WNK1: variants seen among roughly 807,000 people sequenced by gnomAD.
WNK1 encodes the protein serine/threonine-protein kinase WNK1.
A neutral mutation model predicts 222.8 loss-of-function variants in WNK1; 38 were observed. The ratio of observed to expected loss-of-function variants is 0.17; its 90% CI spans 0.13 to 0.22. The LOEUF (loss-of-function observed/expected upper bound fraction) is 0.22, where lower values mean the gene tolerates loss of function less well. Among genes scored for constraint, WNK1 ranks in the 10% least tolerant of loss-of-function variants. The pLI, the probability that WNK1 is intolerant of heterozygous loss-of-function variation, is 1.00. For missense variants in WNK1, 2,348 were observed against 2,918.4 expected (o/e 0.80, Z 4.50); for synonymous variants, 1,090 against 1,092.9 (o/e 1.00, Z 0.05).
chr12:867,575 C>T (rs764283068), intron 8 of WNK1, among the ~76,000 whole-genome samples: 19 of 152,006 alleles, frequency 1.2e-4, no homozygotes, highest in African/African-American at 2.7e-4. Context: ...TGGGTAAAAA[C>T]GAAATAATTA....
intron 26 of WNK1, among the ~76,000 whole-genome samples, chr12:904,912 A>C (rs1254044974): frequency 6.6e-6 from 1 of 152,170 alleles, no homozygotes; most frequent in Non-Finnish European, 1.5e-5. Flanking sequence ...GAGGAGAAAA[A>C]CACCACTTTC....
At chr12:811,970 A>T (rs1048589582) in intron 1 of WNK1, among the ~76,000 whole-genome samples, 2 of 152,210 alleles carry the variant, frequency 1.3e-5, no homozygotes, top group African/African-American at 4.8e-5. Flanking sequence ...CAAATTAGAG[A>T]TAAAATATTC....
At chr12:855,533 TATTA>T (rs1950719914) in intron 4 of WNK1, among the ~76,000 whole-genome samples, 1 of 152,240 alleles carries the variant, frequency 6.6e-6, no homozygotes, top group Non-Finnish European at 1.5e-5. Flanking sequence ...TTCTGTGATT[TATTA>T]GTCACTAATT....
At chr12:822,026 A>G (rs1035725237) in intron 2 of WNK1, among the ~76,000 whole-genome samples, 2 of 144,150 alleles carry the variant, frequency 1.4e-5, no homozygotes, top group African/African-American at 5.1e-5. Flanking sequence ...GTTTATTTAC[A>G]TTTAATTAGT....
At chr12:869,128 A>C in intron 8 of WNK1, 8 of 1,613,142 alleles carry the variant, frequency 5.0e-6, no homozygotes, top group Non-Finnish European at 6.8e-6. Flanking sequence ...TTCCACAATT[A>C]TTTTAAACTA....
In WNK1 at chr12:908,874, TACTA is replaced by T. The variant is rs1401278859; in HGVS notation, c.*87_*90del. On this transcript the variant is annotated 3_prime_UTR_variant, in exon 28 of 28. Coordinates refer to ENST00000315939, the MANE Select transcript of WNK1 (RefSeq NM_018979.4). ...GGGTGGGGGTGGGAAGTAGCCTATA[TACTA>T]ACTACTAGTGCTGCATTTAACTGGT... The T allele has an allele frequency of 3.0e-6, 4 of 1,331,198 alleles. No individual in the cohort carries two copies. The highest frequency in any genetic ancestry group is 2.4e-5 in the East Asian group (1 of 41,708). The allele number at this position is 1,331,198 out of a possible 1,614,324, so 82.5% of individuals were successfully genotyped here.
Position 879,811 on chromosome 12 carries a change from A to T in WNK1, c.2612A>T (p.Gln871Leu). 1 of 1,613,934 alleles carries T rather than the reference A, an allele frequency of 6.2e-7. No homozygotes were observed. The highest frequency in any genetic ancestry group is 8.5e-7 in the Non-Finnish European group (1 of 1,179,968). The change falls in exon 11 of 28, where the codon CAG becomes CTG. Residue 871 changes from glutamine to leucine, a missense_variant. This residue lies in a region of WNK1 where 547 missense variants were observed against 558.3 expected (regional missense o/e 0.98). Coordinates refer to ENST00000315939, the MANE Select transcript of WNK1 (RefSeq NM_018979.4). The stretch of plus-strand genomic sequence containing the variant: ...ATCACAATGGCAGCTGGCATTACTC[A>T]GCCTCTGCTCACGTTGGCTTCATCT... Reference protein sequence around the residue: ...LPITMAAGITQPLLTLASSAT... With the variant: ...LPITMAAGITLPLLTLASSAT...
At chr12:776,868 T>G (rs1943163485) in intron 1 of WNK1, among the ~76,000 whole-genome samples, 2 of 152,192 alleles carry the variant, frequency 1.3e-5, no homozygotes, top group Non-Finnish European at 2.9e-5. Context: ...AATTAGAATG[T>G]GAACTATAGA....
chr12:893,114 G>A (rs1036746121), intron 22 of WNK1, among the ~76,000 whole-genome samples: 65 of 152,156 alleles, frequency 4.3e-4, no homozygotes, highest in African/African-American at 1.4e-3. Context: ...AAAATTAGCC[G>A]GATGTGGTGG....
intron 8 of WNK1, chr12:865,217 C>T (rs1335073762): frequency 3.3e-6 from 5 of 1,535,946 alleles, no homozygotes; most frequent in Non-Finnish European, 4.4e-6. Flanking sequence ...GTACTGTCTG[C>T]ACCTCTTTCT....
chr12:861,548 T>G (rs1951219567), intron 7 of WNK1, among the ~76,000 whole-genome samples: 1 of 152,328 alleles, frequency 6.6e-6, no homozygotes, highest in African/African-American at 2.4e-5. Context: ...GAAATGTGAT[T>G]AGGATACAAA....
rs1017499429 is a variant in WNK1, at chr12:846,712, C to T, written c.1312-10449C>T. Among the ~76,000 whole-genome samples the T allele has an allele frequency of 2.6e-5, 4 of 152,110 alleles. 1 individual carries two copies. The highest frequency in any genetic ancestry group is 2.6e-4 in the Admixed American group (4 of 15,282). On this transcript the variant is annotated intron_variant, in intron 4 of 27. Transcript: ENST00000315939. The stretch of plus-strand genomic sequence containing the variant: ...ACTGATTCCATTAGCTTTTGGATTG[C>T]AAGGTTTGAACATTTTGTCTGGGAA...
In WNK1 at chr12:787,165, T is replaced by C. The variant is rs149370180; in HGVS notation, c.760-26477T>C. On this transcript the variant is annotated intron_variant, in intron 1 of 27. Transcript: ENST00000315939. ...ATAAATCTACTTTATAAAAATAAAA[T>C]TATTTCTCTACTTTTATAGGTGGTA... 9.5e-4 allele frequency among the ~76,000 whole-genome samples: 145 copies of C among 152,354 alleles called. 2 individuals carry two copies. Among genetic ancestry groups the C allele is most frequent in the South Asian group, 7.7e-3 (37 of 4,832 alleles).
rs866798653 is a variant in WNK1, at chr12:795,695, T to A, written c.760-17947T>A. Among the ~76,000 whole-genome samples the A allele has an allele frequency of 1.9e-4, 29 of 152,286 alleles. No individual in the cohort carries two copies. The South Asian group carries it at 3.1e-3, about 16-fold the overall frequency. On this transcript the variant is annotated intron_variant, in intron 1 of 27. Coordinates refer to ENST00000315939, the MANE Select transcript of WNK1 (RefSeq NM_018979.4). ...TAATACAGTTTCTATAGTTCGTGTC[T>A]TTCTAGGAATTTCTTTCCATTTTAT...
chr12:841,003 A>G (rs1949587119), intron 4 of WNK1, among the ~76,000 whole-genome samples: 2 of 152,242 alleles, frequency 1.3e-5, no homozygotes, highest in Admixed American at 1.3e-4. Context: ...GTTTAACAGA[A>G]CCTGGAAAGA....
intron 1 of WNK1, among the ~76,000 whole-genome samples, chr12:810,127 G>A (rs1200682719): frequency 6.6e-6 from 1 of 152,082 alleles, no homozygotes; most frequent in Non-Finnish European, 1.5e-5. Context: ...GCACACGCCT[G>A]TAATCCCAGC....
rs752232272 is a variant in WNK1 at position 878,289 on chromosome 12, G to A, written c.2301G>A (p.Glu767=). ...TTTCACAGACATCAACCTCCAGTGA[G>A]GCCACTACTGCACAGCCAGTGAGTC... The part of the protein sequence containing the change: ...YSLSQTSTSS[E]ATTAQPVSQP... Residue 767 remains glutamate (E), a synonymous_variant, in exon 10 of 28, where the codon GAG becomes GAA. Transcript: ENST00000315939. The A allele has an allele frequency of 5.6e-6, 9 of 1,613,996 alleles. No homozygotes were observed. Among genetic ancestry groups the A allele is most frequent in the South Asian group, 1.1e-5 (1 of 91,082 alleles).
intron 1 of WNK1, among the ~76,000 whole-genome samples, chr12:805,880 G>A (rs1182872537): frequency 2.0e-5 from 3 of 151,990 alleles, no homozygotes; most frequent in Non-Finnish European, 2.9e-5. Context: ...TTAATTAATT[G>A]TCTAAGTTAG....
At chr12:855,378 C>T (rs928165015) in intron 4 of WNK1, among the ~76,000 whole-genome samples, 11 of 152,182 alleles carry the variant, frequency 7.2e-5, no homozygotes, top group South Asian at 6.2e-4. Context: ...GAGTAGAATT[C>T]TCCAAATTGG....
Sources: gnomAD v4.1 joint callset for allele counts (sites outside exome capture counted in the v4.1 genomes callset) on GRCh38, gnomAD v4.1.1 for gene constraint, gnomAD v4.1.1 regional missense constraint, MANE v1.5 for transcripts, NCBI Gene and HGNC (gene_info 2026-07-23, HGNC 2026-07-21) for gene names.